Variants in SEL1L observed in about 807,000 individuals in gnomAD.
The protein encoded by SEL1L is protein sel-1 homolog 1.
SEL1L carries 52 observed loss-of-function variants against 109.8 expected under a neutral mutation model. That is an observed-to-expected ratio of 0.47 (90% CI 0.38 to 0.60). The LOEUF is 0.60. Among genes scored for constraint, SEL1L ranks in the 20% least tolerant of loss-of-function variants. The probability of loss-of-function intolerance (pLI) is 0.00; values close to 1 mark genes in which losing one functional copy is unlikely to be tolerated. For missense variants in SEL1L, 749 were observed against 962.2 expected, an observed-to-expected ratio of 0.78 and a Z score of 2.93; for synonymous variants, 373 against 339.6, an observed-to-expected ratio of 1.10 and a Z score of -1.08.
chr14:81,497,778 A>C, intron 10 of SEL1L, 114 bp downstream of exon 10: 1 of 934,578 alleles, frequency 1.1e-6, no homozygotes, highest in South Asian at 1.8e-5. Flanking sequence ...TGTAGTTCAT[A>C]ATTGCTCAGG....
At chr14:81,526,660 T>G in intron 3 of SEL1L, 73 bp downstream of exon 3, 1 of 1,100,898 alleles carries the variant, frequency 9.1e-7, no homozygotes, top group Non-Finnish European at 1.4e-6. Flanking sequence ...TTCTTCAGCC[T>G]CTTTATTCAT....
chr14:81,474,715 G>A lies in SEL1L; in HGVS notation c.*2257C>T, dbSNP rs1903106913. The stretch of plus-strand genomic sequence containing the variant: ...TGAAGCCATAAGAACTAAGTTATTT[G>A]AAAGACACCATTCACAAACTGCTGG... On this transcript the variant is annotated 3_prime_UTR_variant, in exon 21 of 21. Transcript: ENST00000336735. 1 of 152,178 alleles carries A rather than the reference G, an allele frequency of 6.6e-6. No individual in the cohort carries two copies. Among genetic ancestry groups the A allele is most frequent in the Non-Finnish European group, 1.5e-5 (1 of 68,024 alleles). The allele number at this position is 152,178 out of a possible 1,614,324, so 9.4% of individuals were successfully genotyped here.
At position 81,487,465 on chromosome 14, in the gene SEL1L, G is replaced by T; in HGVS notation, c.1557C>A (p.Ile519=). Residue 519 remains isoleucine, a synonymous_variant, in exon 16 of 21, where the codon ATC becomes ATA. Coordinates refer to ENST00000336735, the MANE Select transcript of SEL1L (RefSeq NM_005065.6). The part of the protein sequence containing the change: ...YFNLASQGGH[I]LAFYNLAQMH... ...TCTGAGCTAGGTTATAGAAAGCCAAGATATGGCCTCCCTGAGAAGCTAAAT... is the reference window on the plus strand; with the variant it reads ...TCTGAGCTAGGTTATAGAAAGCCAATATATGGCCTCCCTGAGAAGCTAAAT... 1 of 1,610,318 alleles carries T rather than the reference G, an allele frequency of 6.2e-7. No homozygotes were observed. Among genetic ancestry groups the T allele is most frequent in the South Asian group, 1.1e-5 (1 of 90,322 alleles).
chr14:81,498,628 T>G (rs1345248782), intron 8 of SEL1L, 134 bp from the exon 9 acceptor site: 25 of 636,680 alleles, frequency 3.9e-5, no homozygotes, highest in Non-Finnish European at 5.8e-5. Context: ...TTATTTATGC[T>G]AAGTGTTAGG....
At chr14:81,487,728 T>C (rs1903563999) in intron 15 of SEL1L, 127 bp downstream of exon 15, 16 of 1,515,670 alleles carry the variant, frequency 1.1e-5, no homozygotes, top group Non-Finnish European at 1.4e-5. Context: ...GTACAAATCA[T>C]TGAACTGGGA....
At chr14:81,478,758 C>A (rs537076950) in intron 20 of SEL1L, among the ~76,000 whole-genome samples, 1 of 152,190 alleles carries the variant, frequency 6.6e-6, no homozygotes, top group Non-Finnish European at 1.5e-5. Flanking sequence ...TAGACAAGTC[C>A]ATTTCTTTTC....
chr14:81,485,639 G>A (rs367880153), intron 18 of SEL1L, 33 bp downstream of exon 18: 15 of 1,565,324 alleles, frequency 9.6e-6, no homozygotes, highest in Non-Finnish European at 1.3e-5. Flanking sequence ...GAGGTCCCTG[G>A]GTGAAACTCT....
At chr14:81,485,637 T>C (rs751112540) in intron 18 of SEL1L, 35 bp downstream of exon 18, 2 of 1,558,550 alleles carry the variant, frequency 1.3e-6, no homozygotes, top group East Asian at 4.5e-5. Flanking sequence ...GGGAGGTCCC[T>C]GGGTGAAACT....
intron 3 of SEL1L, among the ~76,000 whole-genome samples, chr14:81,516,958 T>G (rs1279469541): frequency 6.6e-6 from 1 of 152,196 alleles, no homozygotes; most frequent in African/African-American, 2.4e-5. Flanking sequence ...AAGGCAACTA[T>G]ATGTCAAATC....
At chr14:81,497,789 G>T in intron 10 of SEL1L, 103 bp downstream of exon 10, 1 of 1,046,932 alleles carries the variant, frequency 9.6e-7, no homozygotes, top group Non-Finnish European at 1.4e-6. Context: ...ATTGCTCAGG[G>T]CAATGAAAAT....
intron 3 of SEL1L, among the ~76,000 whole-genome samples, chr14:81,517,631 A>C (rs904370515): frequency 1.3e-5 from 2 of 152,202 alleles, no homozygotes; most frequent in Non-Finnish European, 2.9e-5. Context: ...AGTAAACTGC[A>C]GTAGGGAGAA....
rs746310242 is a variant in SEL1L, at chr14:81,492,508, T to C, written c.1226A>G (p.Asn409Ser). ...DYFNLAANAG[N>S]SHAMAFLGKM... is the part of the protein sequence containing the mutation. ...TCCCAAAAAGGCCATGGCATGTGAA[T>C]TGCCAGCATTTGCTGCTAAATTGAA... The change falls in exon 12 of 21, where the codon AAT becomes AGT. Residue 409 changes from asparagine (N) to serine (S), a missense_variant. This residue lies in a region of SEL1L where 383 missense variants were observed against 562.5 expected (regional missense o/e 0.68). Coordinates refer to ENST00000336735, the MANE Select transcript of SEL1L (RefSeq NM_005065.6). The C allele has an allele frequency of 5.6e-6, 9 of 1,612,710 alleles. No homozygotes were observed. Among genetic ancestry groups the C allele is most frequent in the South Asian group, 4.4e-5 (4 of 90,690 alleles).
At chr14:81,484,782 G>A (rs1410588852) in intron 18 of SEL1L, among the ~76,000 whole-genome samples, 2 of 152,132 alleles carry the variant, frequency 1.3e-5, no homozygotes, top group Admixed American at 6.5e-5. Context: ...CAAACAATAC[G>A]TATGTGCAAA....
At chr14:81,481,860 G>A (rs1490222316) in intron 19 of SEL1L, among the ~76,000 whole-genome samples, 6 of 151,816 alleles carry the variant, frequency 4.0e-5, no homozygotes, top group South Asian at 2.1e-4. Context: ...GTGAAACCCC[G>A]TCTCTACTAA....
Position 81,490,478 on chromosome 14 carries a change from T to A in SEL1L, c.1255-13A>T. On this transcript the variant is annotated splice_polypyrimidine_tract_variant and intron_variant, in intron 12 of 20. Coordinates refer to ENST00000336735, the MANE Select transcript of SEL1L (RefSeq NM_005065.6). ...CTTCCGAATACATCTGGAAAACAGA[T>A]CCCAATTTCAGTAAGAGCTGTAACC... 6.2e-7 allele frequency: 1 copy of A among 1,603,472 alleles called. No individual in the cohort carries two copies. The highest frequency in any genetic ancestry group is 8.5e-7 in the Non-Finnish European group (1 of 1,170,506).
chr14:81,505,935 A>T, intron 4 of SEL1L, 139 bp downstream of exon 4: 1 of 716,172 alleles, frequency 1.4e-6, no homozygotes, highest in Non-Finnish European at 2.2e-6. Flanking sequence ...TCTTAAGTCC[A>T]CTCTTTAAGG....
At chr14:81,485,950 G>T (rs1903507709) in intron 17 of SEL1L, among the ~76,000 whole-genome samples, 1 of 152,198 alleles carries the variant, frequency 6.6e-6, no homozygotes, top group Non-Finnish European at 1.5e-5. Context: ...ACTACTTTGT[G>T]AAACATGTTG....
intron 12 of SEL1L, among the ~76,000 whole-genome samples, chr14:81,491,221 A>C (rs28502051): frequency 0.025 from 3,805 of 152,330 alleles, 152 homozygotes; most frequent in African/African-American, 0.087. Flanking sequence ...GGATAAGATC[A>C]CAAGTGGGTC....
chr14:81,488,042 T>A (rs190424539), intron 14 of SEL1L, 100 bp from the exon 15 acceptor site: 15,493 of 889,326 alleles, frequency 0.017, 167 homozygotes, highest in Middle Eastern at 0.031. Flanking sequence ...TATAAAAAAA[T>A]ATTCCCAAAG....
Sources: allele counts gnomAD v4.1 joint callset (sites outside exome capture counted in the v4.1 genomes callset), GRCh38; gene constraint gnomAD v4.1.1; regional missense constraint gnomAD v4.1.1; transcripts MANE v1.5; gene names NCBI Gene and HGNC (gene_info 2026-07-23, HGNC 2026-07-21).